DLG2: variants seen among roughly 807,000 people sequenced by gnomAD.
DLG2 encodes the protein discs large MAGUK scaffold protein 2, also known as disks large homolog 2.
A neutral mutation model predicts 132.5 loss-of-function variants in DLG2; 45 were observed. That is an observed-to-expected ratio of 0.34 (90% CI 0.27 to 0.44). The LOEUF is 0.44. Ranked by LOEUF, DLG2 falls within the 20% of genes least tolerant of loss-of-function variation. The probability of loss-of-function intolerance (pLI) is 1.00; values close to 1 mark genes in which losing one functional copy is unlikely to be tolerated. For missense variants in DLG2, 1,045 were observed against 1,196.9 expected, an observed-to-expected ratio of 0.87 and a Z score of 1.87; for synonymous variants, 424 against 419.6, an observed-to-expected ratio of 1.01 and a Z score of -0.13.
intron 18 of DLG2, among the ~76,000 whole-genome samples, chr11:83,698,097 A>G (rs1182652882): frequency 6.6e-6 from 1 of 152,256 alleles, no homozygotes; most frequent in East Asian, 1.9e-4. Context: ...CCATCTGTAA[A>G]TGAAGACTAT....
At chr11:84,494,305 G>C (rs1395425466) in intron 7 of DLG2, among the ~76,000 whole-genome samples, 1 of 152,138 alleles carries the variant, frequency 6.6e-6, no homozygotes, top group South Asian at 2.1e-4. Context: ...TGCTGACTGG[G>C]GGAAGAGAAA....
intron 6 of DLG2, among the ~76,000 whole-genome samples, chr11:84,794,935 A>C (rs2074364681): frequency 6.6e-6 from 1 of 152,200 alleles, no homozygotes; most frequent in Non-Finnish European, 1.5e-5. Context: ...CACCATCGAT[A>C]GACAGCAGGT....
At chr11:85,585,549 T>A (rs978170975) in intron 3 of DLG2, among the ~76,000 whole-genome samples, 1 of 152,210 alleles carries the variant, frequency 6.6e-6, no homozygotes, top group African/African-American at 2.4e-5. Context: ...TTGCTGTTGA[T>A]TTGTCATACA....
intron 25 of DLG2, among the ~76,000 whole-genome samples, chr11:83,467,810 T>TACAC (rs1213812731): frequency 0.061 from 5,779 of 95,226 alleles, 330 homozygotes; most frequent in Middle Eastern, 0.11. Context: ...TATATATATA[T>TACAC]ACACACACAC....
At chr11:83,645,781 G>C (rs570331415) in intron 18 of DLG2, 1 of 152,248 alleles carries the variant, frequency 6.6e-6, no homozygotes, top group Admixed American at 6.5e-5. Context: ...CTAAAAATTT[G>C]GGAGATGCAG....
chr11:85,202,374 A>G (rs2081537110), intron 4 of DLG2, among the ~76,000 whole-genome samples: 1 of 152,182 alleles, frequency 6.6e-6, no homozygotes, highest in South Asian at 2.1e-4. Flanking sequence ...TATATAAAGC[A>G]CTGGAGCATC....
intron 6 of DLG2, among the ~76,000 whole-genome samples, chr11:84,960,825 A>G (rs139090601): frequency 9.7e-4 from 148 of 152,256 alleles, no homozygotes; most frequent in African/African-American, 3.5e-3. Context: ...TGATGATGAC[A>G]ATGACAATAG....
At chr11:84,780,943 C>T (rs2071637627) in intron 6 of DLG2, among the ~76,000 whole-genome samples, 1 of 119,848 alleles carries the variant, frequency 8.3e-6, no homozygotes, top group East Asian at 2.7e-4. Flanking sequence ...AAGCAAGGAA[C>T]ATAAAGGATA....
chr11:84,483,538 G>A (rs939195444), intron 7 of DLG2, among the ~76,000 whole-genome samples: 5 of 151,408 alleles, frequency 3.3e-5, no homozygotes, highest in South Asian at 2.1e-4. Flanking sequence ...TTGCACTGTC[G>A]TTCTGATACA....
intron 6 of DLG2, among the ~76,000 whole-genome samples, chr11:84,632,931 C>T (rs2099634517): frequency 2.0e-5 from 3 of 152,164 alleles, no homozygotes; most frequent in Non-Finnish European, 4.4e-5. Context: ...TAAATGTATA[C>T]CTTCTTCATA....
intron 3 of DLG2, among the ~76,000 whole-genome samples, chr11:85,367,640 G>A (rs1298010529): frequency 1.3e-5 from 2 of 152,108 alleles, no homozygotes; most frequent in South Asian, 4.1e-4. Flanking sequence ...AACATTGTGT[G>A]TGTCAGTTTT....
At chr11:85,507,314 CT>C in intron 3 of DLG2, among the ~76,000 whole-genome samples, 1 of 152,084 alleles carries the variant, frequency 6.6e-6, no homozygotes, top group African/African-American at 2.4e-5. Context: ...ATCAGTGGTC[CT>C]TACAATTTGG....
chr11:83,935,332 C>T (rs2081215768), intron 14 of DLG2, among the ~76,000 whole-genome samples: 1 of 152,014 alleles, frequency 6.6e-6, no homozygotes, highest in Admixed American at 6.6e-5. Context: ...CAGTCCTGGG[C>T]TAATAGCTCT....
intron 6 of DLG2, among the ~76,000 whole-genome samples, chr11:85,011,184 C>T (rs2059122681): frequency 6.6e-6 from 1 of 152,106 alleles, no homozygotes; most frequent in Admixed American, 6.5e-5. Context: ...CTTCATTCTG[C>T]AATGAATAGA....
chr11:84,663,708 T>C (rs532063859), intron 6 of DLG2, among the ~76,000 whole-genome samples: 1 of 152,310 alleles, frequency 6.6e-6, no homozygotes, highest in African/African-American at 2.4e-5. Flanking sequence ...ACAAATTATA[T>C]AGTCCAACAC....
intron 4 of DLG2, among the ~76,000 whole-genome samples, chr11:85,200,654 G>A (rs1194315733): frequency 6.6e-6 from 1 of 152,102 alleles, no homozygotes; most frequent in Non-Finnish European, 1.5e-5. Context: ...TATGGAGGTG[G>A]TCCAGTCTCA....
chr11:85,559,024 G>C (rs557672231), intron 3 of DLG2, among the ~76,000 whole-genome samples: 1 of 151,768 alleles, frequency 6.6e-6, no homozygotes, highest in African/African-American at 2.4e-5. Flanking sequence ...TATGTAAGCT[G>C]TGAGAAGCCC....
At chr11:84,206,219 C>T (rs1358483349) in intron 8 of DLG2, among the ~76,000 whole-genome samples, 4 of 152,008 alleles carry the variant, frequency 2.6e-5, no homozygotes, top group Non-Finnish European at 4.4e-5. Flanking sequence ...AGTCCTGAAT[C>T]GTCCTGCATC....
At position 85,490,328 on chromosome 11, in the gene DLG2, A is replaced by G. The variant is rs1158391422; in HGVS notation, c.40+108329T>C. On this transcript the variant is annotated intron_variant, in intron 3 of 27. Coordinates refer to ENST00000376104, the MANE Select transcript of DLG2 (RefSeq NM_001142699.3). Reference sequence around the variant, plus strand: ...GTAGAAAATAGTGAAAAAATAGTAGAAAGTAGAAAAATTACAACTTAACAA... The same window carrying G: ...GTAGAAAATAGTGAAAAAATAGTAGGAAGTAGAAAAATTACAACTTAACAA... 2.6e-5 allele frequency among the ~76,000 whole-genome samples: 4 copies of G among 152,084 alleles called. No individual in the cohort carries two copies. In the South Asian group the frequency reaches 8.3e-4, roughly 32 times the overall value.
Sources: allele counts gnomAD v4.1 joint callset (sites outside exome capture counted in the v4.1 genomes callset), GRCh38; gene constraint gnomAD v4.1.1; transcripts MANE v1.5; gene names NCBI Gene and HGNC (gene_info 2026-07-23, HGNC 2026-07-21).